The following PTPN9 variants were observed in gnomAD, a reference collection of about 807,000 sequenced individuals.
The protein encoded by PTPN9 is tyrosine-protein phosphatase non-receptor type 9.
In PTPN9, 26 loss-of-function variants were observed where a neutral mutation model predicts 69.8. That is an observed-to-expected ratio of 0.37 (90% CI 0.27 to 0.52). The LOEUF (loss-of-function observed/expected upper bound fraction) is 0.52. PTPN9 is among the 20% of genes least tolerant of loss of function. The pLI, the probability that PTPN9 is intolerant of heterozygous loss-of-function variation, is 0.91. For missense variants in PTPN9, 549 were observed against 740.3 expected (o/e 0.74, Z 3.00); for synonymous variants, 274 against 272.5 (o/e 1.01, Z -0.05).
At chr15:75,485,886 G>A (rs2141296556) in intron 8 of PTPN9, among the ~76,000 whole-genome samples, 1 of 150,954 alleles carries the variant, frequency 6.6e-6, no homozygotes, top group South Asian at 2.1e-4. Flanking sequence ...AGATCACGAG[G>A]TCAGGAGATC....
Position 75,529,986 on chromosome 15 carries a change from G to A in PTPN9, c.64-2725C>T, listed in dbSNP as rs145892318. 1.4e-3 allele frequency among the ~76,000 whole-genome samples: 209 copies of A among 151,500 alleles called. 12 individuals are homozygous for A. In the East Asian group the frequency reaches 0.026, roughly 19 times the overall value. On this transcript the variant is annotated intron_variant, in intron 1 of 12. Transcript: ENST00000618819. Reference sequence around the variant, plus strand: ...CTTTGGGAGGCCGAGGGCAGATCACGAGGTCAGGAGCTCGAGACCAGCCTG... The same window carrying A: ...CTTTGGGAGGCCGAGGGCAGATCACAAGGTCAGGAGCTCGAGACCAGCCTG...
chr15:75,477,899 G>A (rs1056703672), intron 9 of PTPN9, among the ~76,000 whole-genome samples: 2 of 138,670 alleles, frequency 1.4e-5, no homozygotes, highest in Non-Finnish European at 3.0e-5. Context: ...GGAGTGCAAT[G>A]GCGCAGTCGC....
intron 10 of PTPN9, 112 bp from the exon 11 acceptor site, chr15:75,470,942 C>T: frequency 7.8e-7 from 1 of 1,278,332 alleles, no homozygotes; most frequent in East Asian, 2.3e-5. Context: ...TCTTGCATTG[C>T]TTCTAACTTA....
chr15:75,495,538 C>T (rs1404021464), intron 7 of PTPN9, among the ~76,000 whole-genome samples: 2 of 151,938 alleles, frequency 1.3e-5, no homozygotes, highest in Non-Finnish European at 2.9e-5. Flanking sequence ...CATAGTGAAA[C>T]CATGTCTCTA....
At chr15:75,526,643 T>A (rs2074929191) in intron 2 of PTPN9, among the ~76,000 whole-genome samples, 1 of 152,184 alleles carries the variant, frequency 6.6e-6, no homozygotes, top group Non-Finnish European at 1.5e-5. Flanking sequence ...AAAGATACTT[T>A]AAGATAATGG....
At chr15:75,512,571 TATA>T (rs1389880496) in intron 5 of PTPN9, among the ~76,000 whole-genome samples, 2 of 152,212 alleles carry the variant, frequency 1.3e-5, no homozygotes, top group African/African-American at 4.8e-5. Flanking sequence ...TTCCTTAGCA[TATA>T]ATCTCAGAAA....
At chr15:75,479,072 G>T (rs945853629) in intron 9 of PTPN9, among the ~76,000 whole-genome samples, 2 of 152,226 alleles carry the variant, frequency 1.3e-5, no homozygotes, top group Non-Finnish European at 2.9e-5. Flanking sequence ...ACTTTGGGAG[G>T]CCGAAGCGGG....
rs143197547 is a variant in PTPN9, at chr15:75,536,285, G to A, written c.64-9024C>T. ...TTGTTGAGAAGACACAACATAGATCGCTTCTTGGCCTTTCGCTAAGATCAA... is the reference window on the plus strand; with the variant it reads ...TTGTTGAGAAGACACAACATAGATCACTTCTTGGCCTTTCGCTAAGATCAA... On this transcript the variant is annotated intron_variant, in intron 1 of 12. Coordinates refer to ENST00000618819, the MANE Select transcript of PTPN9 (RefSeq NM_002833.4). Among the ~76,000 whole-genome samples, 49 of 152,234 alleles carry A rather than the reference G, an allele frequency of 3.2e-4. No homozygotes were observed. The East Asian group carries it at 3.7e-3, about 11-fold the overall frequency.
chr15:75,492,416 T>C (rs2074716068), intron 7 of PTPN9, among the ~76,000 whole-genome samples: 1 of 152,094 alleles, frequency 6.6e-6, no homozygotes, highest in South Asian at 2.1e-4. Context: ...AGAGACAAGA[T>C]GGCACACCCT....
chr15:75,522,363 G>A (rs8023815), intron 4 of PTPN9, among the ~76,000 whole-genome samples: 51,993 of 151,682 alleles, frequency 0.34, 10,180 homozygotes, highest in African/African-American at 0.53. Context: ...ATGTTTTTTT[G>A]TTGTTGTTGT....
intron 2 of PTPN9, among the ~76,000 whole-genome samples, chr15:75,524,717 G>A (rs1006800323): frequency 1.6e-5 from 2 of 128,472 alleles, no homozygotes; most frequent in Admixed American, 2.0e-4. Context: ...GGTGGAGGTT[G>A]CAGTAAGCCA....
intron 9 of PTPN9, among the ~76,000 whole-genome samples, chr15:75,477,767 C>G (rs374391871): frequency 1.3e-5 from 2 of 151,766 alleles, no homozygotes; most frequent in Admixed American, 1.3e-4. Context: ...AAAAAAATCT[C>G]CAATTGTCTC....
At chr15:75,562,958 G>T (rs1257505664) in intron 1 of PTPN9, among the ~76,000 whole-genome samples, 2 of 151,904 alleles carry the variant, frequency 1.3e-5, no homozygotes, top group South Asian at 2.1e-4. Flanking sequence ...TTAGGTTCAG[G>T]GGGTACATGT....
rs186045366 is a variant in PTPN9, at chr15:75,473,746, C to T, written c.1151G>A (p.Arg384His). 2.8e-4 allele frequency: 437 copies of T among 1,579,366 alleles called. 2 individuals carry two copies. The Admixed American group carries it at 6.2e-3, about 22-fold the overall frequency. The stretch of plus-strand genomic sequence containing the variant: ...CTCCCATACCATGAGCCAGAAATCA[C>T]GATAGGTATTCTCCAAAGGACCTGA... ...GTQGPLENTY[R>H]DFWLMVWEQK... Residue 384 changes from arginine (R) to histidine (H), a missense_variant, in exon 10 of 13, where the codon CGT (arginine) becomes CAT (histidine). Transcript: ENST00000618819.
At chr15:75,488,171 C>T (rs542088915) in intron 8 of PTPN9, among the ~76,000 whole-genome samples, 1 of 152,154 alleles carries the variant, frequency 6.6e-6, no homozygotes, top group East Asian at 1.9e-4. Flanking sequence ...ATCCCAGCTA[C>T]TCGGGAGGCT....
chr15:75,536,660 G>T lies in PTPN9; in HGVS notation c.64-9399C>A, dbSNP rs890216465. 7.2e-5 allele frequency among the ~76,000 whole-genome samples: 11 copies of T among 152,280 alleles called. 1 individual carries two copies. In the East Asian group the frequency reaches 2.1e-3, roughly 29 times the overall value. ...AGAATGGTGGGAGATGTGTGAACAG[G>T]GGGGCTGAACCAGACTGGGAAGGCC... is the stretch of plus-strand genomic sequence containing the variant. On this transcript the variant is annotated intron_variant, in intron 1 of 12. Coordinates refer to ENST00000618819, the MANE Select transcript of PTPN9 (RefSeq NM_002833.4).
intron 1 of PTPN9, among the ~76,000 whole-genome samples, chr15:75,565,364 A>G (rs942897813): frequency 6.6e-6 from 1 of 152,172 alleles, no homozygotes; most frequent in African/African-American, 2.4e-5. Context: ...CTTTAACTTT[A>G]AAGTGAAAAC....
At chr15:75,562,791 C>CAAAA (rs60164759) in intron 1 of PTPN9, among the ~76,000 whole-genome samples, 4 of 80,044 alleles carry the variant, frequency 5.0e-5, no homozygotes, top group Admixed American at 1.6e-4. Flanking sequence ...AGACTCGTTT[C>CAAAA]AAAAAAAAAA....
At chr15:75,517,236 G>A in intron 5 of PTPN9, 23 bp downstream of exon 5, 1 of 1,544,826 alleles carries the variant, frequency 6.5e-7, no homozygotes, top group South Asian at 1.2e-5. Flanking sequence ...AAGGAAACTT[G>A]AGAGGGCCCT....
Sources: allele counts gnomAD v4.1 joint callset (sites outside exome capture counted in the v4.1 genomes callset), GRCh38; gene constraint gnomAD v4.1.1; transcripts MANE v1.5; gene names NCBI Gene and HGNC (gene_info 2026-07-23, HGNC 2026-07-21).